Variants in MIR2052HG observed in about 807,000 individuals in gnomAD.
The protein encoded by MIR2052HG is MIR2052 host gene.
At chr8:74,749,035 A>G (rs1230961325) in intron 4 of MIR2052HG, among the ~76,000 whole-genome samples, 2 of 152,192 alleles carry the variant, frequency 1.3e-5, no homozygotes, top group East Asian at 3.8e-4. Context: ...TGCCATTTCA[A>G]TGTATTTGCT....
intron 4 of MIR2052HG, among the ~76,000 whole-genome samples, chr8:74,721,346 A>G (rs1159495567): frequency 6.6e-6 from 1 of 152,214 alleles, no homozygotes; most frequent in African/African-American, 2.4e-5. Context: ...CTGCATGACA[A>G]ATGACTCCAA....
At chr8:74,703,643 A>C (rs1220068938) in exon 4 of MIR2052HG, 2 of 453,050 alleles carry the variant, frequency 4.4e-6, no homozygotes, top group Non-Finnish European at 8.9e-6. Flanking sequence ...CAGGAAAATT[A>C]GGAGGAATGT....
chr8:74,697,183 C>A (rs1809307174), intron 2 of MIR2052HG, among the ~76,000 whole-genome samples: 1 of 152,036 alleles, frequency 6.6e-6, no homozygotes, highest in African/African-American at 2.4e-5. Context: ...ATATGCAAGT[C>A]AATAAATATG....
chr8:74,716,234 C>G (rs540106392), intron 4 of MIR2052HG, among the ~76,000 whole-genome samples: 1 of 152,222 alleles, frequency 6.6e-6, no homozygotes, highest in Non-Finnish European at 1.5e-5. Context: ...AAATCTCTAA[C>G]GTAGGGAGAA....
At chr8:74,627,346 C>A (rs2128733558) in intron 2 of MIR2052HG, among the ~76,000 whole-genome samples, 1 of 152,272 alleles carries the variant, frequency 6.6e-6, no homozygotes, top group East Asian at 1.9e-4. Flanking sequence ...AAGCACATGA[C>A]CAATGGCTGA....
intron 4 of MIR2052HG, among the ~76,000 whole-genome samples, chr8:74,740,178 T>C (rs1176068246): frequency 6.6e-6 from 1 of 152,142 alleles, no homozygotes; most frequent in Non-Finnish European, 1.5e-5. Context: ...CAAAAAATTG[T>C]TTGGGCTAGG....
At chr8:74,667,561 C>A (rs895877007) in intron 2 of MIR2052HG, among the ~76,000 whole-genome samples, 1 of 151,914 alleles carries the variant, frequency 6.6e-6, no homozygotes, top group African/African-American at 2.4e-5. Context: ...TTTAAAGTAT[C>A]TTTTGCCTCA....
At chr8:74,678,563 CAAAAA>C (rs763073114) in intron 2 of MIR2052HG, among the ~76,000 whole-genome samples, 4 of 53,522 alleles carry the variant, frequency 7.5e-5, no homozygotes, top group African/African-American at 1.4e-4. Context: ...GAGTTTGTCT[CAAAAA>C]AAAAAAAAAA....
chr8:74,666,314 A>T (rs1808923921), intron 2 of MIR2052HG, among the ~76,000 whole-genome samples: 1 of 152,218 alleles, frequency 6.6e-6, no homozygotes, highest in South Asian at 2.1e-4. Context: ...ATGTCTTTTT[A>T]CAGCACTTAA....
At chr8:74,742,314 A>G (rs1809838997) in intron 4 of MIR2052HG, among the ~76,000 whole-genome samples, 1 of 152,242 alleles carries the variant, frequency 6.6e-6, no homozygotes, top group Non-Finnish European at 1.5e-5. Context: ...GATTGATGAT[A>G]AGAATACAGA....
chr8:74,698,864 C>A (rs1586917050), intron 2 of MIR2052HG, among the ~76,000 whole-genome samples: 1 of 151,934 alleles, frequency 6.6e-6, no homozygotes, highest in Non-Finnish European at 1.5e-5. Context: ...ACCTGTGTAA[C>A]AAACCTGCAT....
chr8:74,711,122 T>A (rs1293134960), intron 4 of MIR2052HG, among the ~76,000 whole-genome samples: 1 of 152,186 alleles, frequency 6.6e-6, no homozygotes, highest in East Asian at 1.9e-4. Context: ...CCAAGTCCAC[T>A]GGAAAACTGA....
chr8:74,667,107 G>T (rs7816155), intron 2 of MIR2052HG, among the ~76,000 whole-genome samples: 37,133 of 152,140 alleles, frequency 0.24, 5,549 homozygotes, highest in East Asian at 0.65. Flanking sequence ...CTTAATATCT[G>T]CTCCTAGAAT....
At chr8:74,701,303 A>G (rs1342763508) in intron 2 of MIR2052HG, among the ~76,000 whole-genome samples, 1 of 152,180 alleles carries the variant, frequency 6.6e-6, no homozygotes, top group Non-Finnish European at 1.5e-5. Context: ...TAAACTTATT[A>G]TTGAATAGAT....
intron 4 of MIR2052HG, among the ~76,000 whole-genome samples, chr8:74,726,719 G>GTTATATGGCATGGCTTTGGTGGA (rs1809640876): frequency 6.6e-6 from 1 of 152,192 alleles, no homozygotes; most frequent in Admixed American, 6.5e-5. Flanking sequence ...ATATGTGGGC[G>GTTATATGGCATGGCTTTGGTGGA]TTATATGGCA....
rs376317554 is a variant in MIR2052HG at position 74,749,912 on chromosome 8, G to T, written n.372-2529G>T. On this transcript the variant is annotated intron_variant and non_coding_transcript_variant, in intron 4 of 6. Coordinates refer to ENST00000523442, the Ensembl canonical transcript of MIR2052HG. Reference sequence around the variant, plus strand: ...AGTAGCACTTTGACATACATTTTGAGACATTTTTGAACTAAGAGTCCATTC... The same window carrying T: ...AGTAGCACTTTGACATACATTTTGATACATTTTTGAACTAAGAGTCCATTC... Among the ~76,000 whole-genome samples, 211 of 150,464 alleles carry T rather than the reference G, an allele frequency of 1.4e-3. 3 individuals carry two copies. The South Asian group carries it at 0.035, about 25-fold the overall frequency.
At chr8:74,629,418 T>C (rs2128733889) in intron 2 of MIR2052HG, among the ~76,000 whole-genome samples, 1 of 152,094 alleles carries the variant, frequency 6.6e-6, no homozygotes, top group Admixed American at 6.6e-5. Flanking sequence ...TCAGGATGGT[T>C]TTCTACAGTA....
intron 2 of MIR2052HG, among the ~76,000 whole-genome samples, chr8:74,649,807 T>G (rs1385422435): frequency 2.0e-5 from 3 of 152,094 alleles, no homozygotes; most frequent in African/African-American, 4.8e-5. Flanking sequence ...TTCAGGTGGT[T>G]GTTGGGTTCT....
chr8:74,752,402 A>G (rs763233578), intron 4 of MIR2052HG: 1 of 453,304 alleles, frequency 2.2e-6, no homozygotes. Flanking sequence ...CACATTTGGG[A>G]GCATTTTTCA....
Sources: gnomAD v4.1 joint callset for allele counts (sites outside exome capture counted in the v4.1 genomes callset) on GRCh38, gnomAD v4.1.1 for gene constraint, MANE v1.5 for transcripts, NCBI Gene and HGNC (gene_info 2026-07-23, HGNC 2026-07-21) for gene names.